RAB3C: variants seen among roughly 807,000 people sequenced by gnomAD.
RAB3C encodes the protein ras-related protein Rab-3C.
RAB3C carries 17 observed loss-of-function variants against 26.4 expected under a neutral mutation model. The ratio of observed to expected loss-of-function variants is 0.64; its 90% CI spans 0.44 to 0.97. RAB3C has a LOEUF of 0.97. Ranked by LOEUF, RAB3C falls within the 50% of genes least tolerant of loss-of-function variation. The pLI is 0.00. For synonymous variants in RAB3C, 91 were observed against 95.9 expected, an observed-to-expected ratio of 0.95 and a Z score of 0.30; for missense variants, 242 against 281.9, an observed-to-expected ratio of 0.86 and a Z score of 1.01.
chr5:58,849,707 G>A (rs577066280), intron 4 of RAB3C, among the ~76,000 whole-genome samples: 40 of 152,298 alleles, frequency 2.6e-4, no homozygotes, highest in Non-Finnish European at 5.0e-4. Flanking sequence ...GGATTTTAAC[G>A]AGAGTAGCTA....
intron 2 of RAB3C, among the ~76,000 whole-genome samples, chr5:58,695,390 T>C (rs2111867678): frequency 6.6e-6 from 1 of 152,330 alleles, no homozygotes; most frequent in South Asian, 2.1e-4. Context: ...TGCTTAGGAT[T>C]GTTTTGGCAA....
intron 2 of RAB3C, among the ~76,000 whole-genome samples, chr5:58,696,739 T>A (rs530610796): frequency 5.3e-4 from 81 of 152,326 alleles, no homozygotes; most frequent in African/African-American, 1.9e-3. Context: ...CTGATGGTAG[T>A]TTGTATTTCT....
chr5:58,599,646 T>C (rs968758638), intron 1 of RAB3C, among the ~76,000 whole-genome samples: 3 of 152,148 alleles, frequency 2.0e-5, no homozygotes, highest in Non-Finnish European at 2.9e-5. Context: ...TTGATACTAG[T>C]AGGAACAGTT....
chr5:58,592,108 A>G (rs1385367029), intron 1 of RAB3C, among the ~76,000 whole-genome samples: 1 of 151,772 alleles, frequency 6.6e-6, no homozygotes, highest in African/African-American at 2.4e-5. Flanking sequence ...CATGTTGGCC[A>G]CACCCATCTC....
At chr5:58,631,640 G>T (rs1029556917) in intron 2 of RAB3C, among the ~76,000 whole-genome samples, 4 of 152,092 alleles carry the variant, frequency 2.6e-5, no homozygotes, top group African/African-American at 9.7e-5. Flanking sequence ...GTAATTGAGG[G>T]GGAGAAATGG....
chr5:58,641,365 C>T (rs533146822), intron 2 of RAB3C, among the ~76,000 whole-genome samples: 2 of 152,188 alleles, frequency 1.3e-5, no homozygotes, highest in Non-Finnish European at 2.9e-5. Context: ...AAGCCTGCCA[C>T]CATGGTAGCT....
At chr5:58,645,994 AAGTGGGCTCTGG>A (rs1366481260) in intron 2 of RAB3C, among the ~76,000 whole-genome samples, 3 of 152,240 alleles carry the variant, frequency 2.0e-5, no homozygotes, top group Non-Finnish European at 4.4e-5. Flanking sequence ...ACAGGGCCAT[AAGTGGGCTCTGG>A]AGTGTGCGGG....
intron 1 of RAB3C, among the ~76,000 whole-genome samples, chr5:58,592,905 A>G (rs1404399564): frequency 6.6e-6 from 1 of 152,116 alleles, no homozygotes; most frequent in Admixed American, 6.5e-5. Flanking sequence ...ATATTTAGTC[A>G]GATTGGCGAA....
chr5:58,693,363 A>ATAT (rs1561291444), intron 2 of RAB3C, among the ~76,000 whole-genome samples: 15 of 93,720 alleles, frequency 1.6e-4, no homozygotes, highest in African/African-American at 1.1e-3. Flanking sequence ...TATATATATA[A>ATAT]AATTTCTTAA....
intron 3 of RAB3C, chr5:58,742,099 T>A (rs1402224134): frequency 2.0e-5 from 3 of 152,066 alleles, no homozygotes; most frequent in South Asian, 4.1e-4. Context: ...AGATACCCCG[T>A]AAAGCTGACA....
At chr5:58,634,058 G>A (rs182218391) in intron 2 of RAB3C, among the ~76,000 whole-genome samples, 289 of 151,174 alleles carry the variant, frequency 1.9e-3, no homozygotes, top group African/African-American at 6.3e-3. Flanking sequence ...GGAGAATGGC[G>A]TCAACCCAGG....
chr5:58,724,202 G>A (rs760366334), intron 2 of RAB3C, among the ~76,000 whole-genome samples: 2 of 151,372 alleles, frequency 1.3e-5, no homozygotes, highest in African/African-American at 2.4e-5. Context: ...GCCATTTATT[G>A]ACCAATTTTT....
chr5:58,845,991 C>G (rs1579950994), intron 4 of RAB3C, among the ~76,000 whole-genome samples: 1 of 151,998 alleles, frequency 6.6e-6, no homozygotes, highest in African/African-American at 2.4e-5. Context: ...GCTTTTTTCA[C>G]TTGGAATACT....
At chr5:58,785,200 G>T (rs1272187249) in intron 3 of RAB3C, among the ~76,000 whole-genome samples, 3 of 152,168 alleles carry the variant, frequency 2.0e-5, no homozygotes, top group African/African-American at 7.2e-5. Flanking sequence ...AAAATTATCT[G>T]CACGATGGAA....
At position 58,671,816 on chromosome 5, in the gene RAB3C, G is replaced by A. The variant is rs541382693; in HGVS notation, c.252+53946G>A. Among the ~76,000 whole-genome samples the A allele has an allele frequency of 7.0e-4, 107 of 152,170 alleles. 2 individuals carry two copies. The South Asian group carries it at 0.022, about 31-fold the overall frequency. ...CAAGTTCATTTTTTATAAGAAATAG[G>A]CTACTAGCAAAATACAAGTTTATTT... On this transcript the variant is annotated intron_variant, in intron 2 of 4. Transcript: ENST00000282878.
intron 3 of RAB3C, among the ~76,000 whole-genome samples, chr5:58,738,253 G>C (rs935375584): frequency 1.3e-5 from 2 of 151,828 alleles, no homozygotes; most frequent in East Asian, 3.9e-4. Flanking sequence ...AACACTGAGA[G>C]AGAAAATAGC....
chr5:58,640,798 G>A (rs1747398888), intron 2 of RAB3C, among the ~76,000 whole-genome samples: 1 of 152,164 alleles, frequency 6.6e-6, no homozygotes, highest in South Asian at 2.1e-4. Context: ...ATTTTATAAA[G>A]AGGACATCAA....
intron 2 of RAB3C, among the ~76,000 whole-genome samples, chr5:58,724,595 GATCT>G (rs1234444709): frequency 2.0e-5 from 3 of 151,466 alleles, no homozygotes; most frequent in African/African-American, 4.8e-5. Context: ...AAATAAATAT[GATCT>G]ATCTTTTTAT....
intron 2 of RAB3C, among the ~76,000 whole-genome samples, chr5:58,704,935 A>T (rs1936515374): frequency 6.6e-6 from 1 of 152,180 alleles, no homozygotes; most frequent in African/African-American, 2.4e-5. Flanking sequence ...AGCATTAACT[A>T]TTAATAATTG....
Sources: gnomAD v4.1 joint callset for allele counts (sites outside exome capture counted in the v4.1 genomes callset) on GRCh38, gnomAD v4.1.1 for gene constraint, MANE v1.5 for transcripts, NCBI Gene and HGNC (gene_info 2026-07-23, HGNC 2026-07-21) for gene names.